RYR1: variants seen among roughly 807,000 people sequenced by gnomAD.
RYR1 encodes the protein central core disease of muscle.
Under a neutral mutation model 583.5 loss-of-function variants are expected in RYR1, and 342 were observed. The observed-to-expected ratio is 0.59, with a 90% confidence interval of 0.54 to 0.64. RYR1 has a LOEUF of 0.64. Ranked by LOEUF, RYR1 falls within the 30% of genes least tolerant of loss-of-function variation. The pLI is 0.00. For synonymous variants in RYR1, 2,791 were observed against 2,822.5 expected (o/e 0.99, Z 0.35); for missense variants, 6,032 against 6,917.2 (o/e 0.87, Z 4.54).
rs1158365414 is a variant in RYR1, at chr19:38,500,635, G to T, written c.7353G>T (p.Leu2451=). The T allele has an allele frequency of 3.7e-6, 6 of 1,613,436 alleles. No individual in the cohort carries two copies. Among genetic ancestry groups the T allele is most frequent in the Non-Finnish European group, 5.1e-6 (6 of 1,180,018 alleles). Residue 2451 remains leucine (L), a synonymous_variant, in exon 46 of 106, where the codon CTG becomes CTT. Coordinates refer to ENST00000359596, the MANE Select transcript of RYR1 (RefSeq NM_000540.3). The surrounding 1 kb of genome is among the most constrained non-coding windows in gnomAD (Gnocchi z 5.9). ...HLIQAGKGEA[L]RIRAILRSLV... ...TCCAAGCCGGCAAGGGTGAGGCCCT[G>T]CGGATCCGCGCCATCCTCCGCTCCC...
In RYR1 at chr19:38,490,604, C is replaced by T; in HGVS notation, c.6016-17C>T. On this transcript the variant is annotated splice_polypyrimidine_tract_variant and intron_variant, in intron 36 of 105. Transcript: ENST00000359596. ...TGGGATCTCAGACCCTCATTCTAAT[C>T]TTTGACCTTCCCCTAGATCAATATG... The T allele has an allele frequency of 6.6e-7, 1 of 1,522,152 alleles. No homozygotes were observed. The highest frequency in any genetic ancestry group is 1.4e-5 in the African/African-American group (1 of 73,422). 94.3% of individuals were successfully genotyped at this position (1,522,152 alleles called of 1,614,324 possible).
Position 38,543,399 on chromosome 19 carries a change from C to G in RYR1, c.11742C>G (p.Ile3914Met). The G allele has an allele frequency of 6.2e-7, 1 of 1,614,242 alleles. No homozygotes were observed. Among genetic ancestry groups the G allele is most frequent in the Non-Finnish European group, 8.5e-7 (1 of 1,180,042 alleles). Residue 3914 changes from isoleucine to methionine, a missense_variant, in exon 85 of 106, where the codon ATC becomes ATG. Coordinates refer to ENST00000359596, the MANE Select transcript of RYR1 (RefSeq NM_000540.3). The surrounding 1 kb of genome is among the most constrained non-coding windows in gnomAD (Gnocchi z 4.4). ...TQTGNTTTINIIICTVDYLLR... is the reference protein window; with the variant it reads ...TQTGNTTTINMIICTVDYLLR... ...CAGGGAACACGACCACTATTAACAT[C>G]ATCATTTGCACTGTGGACTACCTCC...
At chr19:38,478,785 A>C (rs560249384) in intron 31 of RYR1, among the ~76,000 whole-genome samples, 185 bp downstream of exon 31, 1 of 152,200 alleles carries the variant, frequency 6.6e-6, no homozygotes, top group Non-Finnish European at 1.5e-5. Flanking sequence ...AGACTGGAGG[A>C]GATACAGAAT....
chr19:38,455,186 G>C, intron 13 of RYR1, 49 bp from the exon 14 acceptor site: 1 of 1,605,016 alleles, frequency 6.2e-7, no homozygotes, highest in Non-Finnish European at 8.5e-7. Context: ...GACAAGGAAG[G>C]GAGGGCCTGG....
chr19:38,586,268 GC>G, intron 104 of RYR1, 77 bp downstream of exon 104: 1 of 1,369,048 alleles, frequency 7.3e-7, no homozygotes, highest in Non-Finnish European at 1.0e-6. Context: ...CTTAGCTTTG[GC>G]CAGTTAGGAA....
Position 38,483,200 on chromosome 19 carries a change from A to AG in RYR1, c.4708-85dup, listed in dbSNP as rs150237779. The AG allele has an allele frequency of 1.9e-3, 3,092 of 1,590,900 alleles. 50 individuals are homozygous for AG. The African/African-American group carries it at 0.036, about 18-fold the overall frequency. ...CAGGCGGGCAGAGCCACTGAAGGGG[A>AG]GGGGGCAATCCAAGAGGTCTCCCTG... On this transcript the variant is annotated intron_variant, in intron 32 of 105. Transcript: ENST00000359596. This position sits in a 1 kb window ranked among gnomAD's most constrained non-coding sequence, Gnocchi z 6.3.
In RYR1 at chr19:38,543,747, C is replaced by G. The variant is rs76698386; in HGVS notation, c.11908-24C>G. 1,174 of 1,611,694 alleles carry G rather than the reference C, an allele frequency of 7.3e-4. 8 individuals are homozygous for G. The African/African-American group carries it at 0.012, about 16-fold the overall frequency. On this transcript the variant is annotated intron_variant, in intron 86 of 105. Coordinates refer to ENST00000359596, the MANE Select transcript of RYR1 (RefSeq NM_000540.3). This position sits in a 1 kb window ranked among gnomAD's most constrained non-coding sequence, Gnocchi z 4.4. ...TCCCTTCTCGGGGATTCCCTTCCCC[C>G]CCACACGGCACTCTGCCTCCCAGGG...
intron 18 of RYR1, 101 bp from the exon 19 acceptor site, chr19:38,459,045 T>G: frequency 9.7e-7 from 1 of 1,032,820 alleles, no homozygotes; most frequent in South Asian, 1.3e-5. Flanking sequence ...GTTTCCAGGA[T>G]GCAATCTCCA....
In RYR1 at chr19:38,448,829, G is replaced by A. The variant is rs1966929329; in HGVS notation, c.1122+16G>A. 5.6e-6 allele frequency: 9 copies of A among 1,611,716 alleles called. No homozygotes were observed. The South Asian group carries it at 9.9e-5, about 18-fold the overall frequency. On this transcript the variant is annotated intron_variant, in intron 11 of 105. Coordinates refer to ENST00000359596, the MANE Select transcript of RYR1 (RefSeq NM_000540.3). Reference sequence around the variant, plus strand: ...CAAGAAGAAGGTGGGTGTAATCCCAGCTACTCAGGAGGCTGAGGTGGGAGA... The same window carrying A: ...CAAGAAGAAGGTGGGTGTAATCCCAACTACTCAGGAGGCTGAGGTGGGAGA...
intron 70 of RYR1, 124 bp downstream of exon 70, chr19:38,524,053 GC>G: frequency 1.3e-6 from 1 of 790,218 alleles, no homozygotes; most frequent in East Asian, 4.1e-5. Flanking sequence ...TCCCCTCCCA[GC>G]CCCCACCCAT....
At chr19:38,528,117 C>G (rs1971557823) in intron 73 of RYR1, 189 bp from the exon 74 acceptor site, 1 of 663,888 alleles carries the variant, frequency 1.5e-6, no homozygotes. Context: ...GGGACCTGGC[C>G]TAGGATGGAA....
chr19:38,467,930 C>A, intron 25 of RYR1, 118 bp downstream of exon 25: 2 of 834,006 alleles, frequency 2.4e-6, no homozygotes, highest in Non-Finnish European at 3.9e-6. Context: ...ATCTACTGTA[C>A]CACTCATCCA....
Position 38,446,699 on chromosome 19 carries a change from T to C in RYR1, c.731T>C (p.Val244Ala), listed in dbSNP as rs750532893. 1.2e-6 allele frequency: 2 copies of C among 1,613,916 alleles called. No individual in the cohort carries two copies. Among genetic ancestry groups the C allele is most frequent in the Admixed American group, 3.3e-5 (2 of 60,008 alleles). ...ACTCTCTTCTGTGTCCCCAGACTTG[T>C]CTACTATGAGGGGGGAGCTGTGTGC... is the stretch of plus-strand genomic sequence containing the variant. ...PADSDDQRRL[V>A]YYEGGAVCTH... Residue 244 changes from valine (V) to alanine (A), a missense_variant, in exon 9 of 106, where the codon GTC (valine) becomes GCC (alanine). This residue lies in a region of RYR1 where 338 missense variants were observed against 441.6 expected (regional missense o/e 0.77). Transcript: ENST00000359596.
rs1026284236 is a variant in RYR1, at chr19:38,528,499, G to A, written c.10937+81G>A. ...AGAGTCTGGAGAATGGAGGGCCAAC[G>A]TGATGGGGCCTTGAGGGTGGTTGGG... is the stretch of plus-strand genomic sequence containing the variant. On this transcript the variant is annotated intron_variant, in intron 74 of 105. Coordinates refer to ENST00000359596, the MANE Select transcript of RYR1 (RefSeq NM_000540.3). 11 of 1,589,124 alleles carry A rather than the reference G, an allele frequency of 6.9e-6. No individual in the cohort carries two copies. In the Admixed American group the frequency reaches 1.2e-4, roughly 17 times the overall value.
chr19:38,515,283 A>C (rs1472743953), intron 64 of RYR1, among the ~76,000 whole-genome samples, 176 bp downstream of exon 64: 1 of 152,180 alleles, frequency 6.6e-6, no homozygotes. Flanking sequence ...CAGGTCAGCC[A>C]CGGAGGTAGA....
intron 76 of RYR1, 83 bp downstream of exon 76, chr19:38,529,140 A>G (rs1301780217): frequency 7.2e-7 from 1 of 1,393,748 alleles, no homozygotes; most frequent in Non-Finnish European, 1.0e-6. Context: ...GTGCCTCAGG[A>G]GAGGCCCTCC....
intron 29 of RYR1, among the ~76,000 whole-genome samples, chr19:38,476,018 CT>C (rs57005131): frequency 1.3e-5 from 2 of 149,108 alleles, no homozygotes; most frequent in Non-Finnish European, 3.0e-5. Flanking sequence ...GCATAGATTC[CT>C]TTTTTTTTTC....
At position 38,466,267 on chromosome 19, in the gene RYR1, G is replaced by A. The variant is rs373541911; in HGVS notation, c.3047G>A (p.Arg1016Gln). 42 of 1,612,944 alleles carry A rather than the reference G, an allele frequency of 2.6e-5. No homozygotes were observed. The highest frequency in any genetic ancestry group is 8.0e-5 in the African/African-American group (6 of 74,936). ...YSAVQDIPAR[R>Q]NPRLVPYRLL... ...GCAGTGCAGGACATCCCAGCGCGCC[G>A]AAACCCTCGGCTGGTGCCCTACCGC... The change falls in exon 24 of 106, where the codon CGA becomes CAA. Residue 1016 changes from arginine to glutamine, a missense_variant. This residue lies in a region of RYR1 where 2,627 missense variants were observed against 2,961.3 expected (regional missense o/e 0.89). Coordinates refer to ENST00000359596, the MANE Select transcript of RYR1 (RefSeq NM_000540.3).
intron 101 of RYR1, among the ~76,000 whole-genome samples, chr19:38,581,173 G>A (rs1205043730): frequency 2.0e-5 from 3 of 152,022 alleles, no homozygotes; most frequent in Non-Finnish European, 2.9e-5. Flanking sequence ...CGCCTCCCGG[G>A]TTCATGCCAT....
Sources: gnomAD v4.1 joint callset for allele counts (sites outside exome capture counted in the v4.1 genomes callset) on GRCh38, gnomAD v4.1.1 for gene constraint, gnomAD v4.1.1 regional missense constraint, Gnocchi (gnomAD v3.1) non-coding constraint, MANE v1.5 for transcripts, NCBI Gene and HGNC (gene_info 2026-07-23, HGNC 2026-07-21) for gene names.